The following VPS37B variants were observed in gnomAD, a reference collection of about 807,000 sequenced individuals.
VPS37B encodes the protein vacuolar protein sorting-associated protein 37B.
Under a neutral mutation model 21.2 loss-of-function variants are expected in VPS37B, and 11 were observed. The observed-to-expected ratio is 0.52, with a 90% CI of 0.33 to 0.86. The LOEUF (loss-of-function observed/expected upper bound fraction) is 0.86, where lower values mean the gene tolerates loss of function less well. Ranked by LOEUF, VPS37B falls within the 40% of genes least tolerant of loss-of-function variation. The pLI, the probability that VPS37B is intolerant of heterozygous loss-of-function variation, is 0.03. For missense variants in VPS37B, 389 were observed against 374.8 expected (o/e 1.04, Z -0.31); for synonymous variants, 175 against 159.6 (o/e 1.10, Z -0.73).
In VPS37B at chr12:122,896,108, C is replaced by T. The variant is rs761087345; in HGVS notation, c.-46G>A. ...CGCCACCGCCGCTGCGGCCACCAGGCTCCGCCGACCGGAAGCGCCGCCCTC... is the reference window on the plus strand; with the variant it reads ...CGCCACCGCCGCTGCGGCCACCAGGTTCCGCCGACCGGAAGCGCCGCCCTC... On this transcript the variant is annotated 5_prime_UTR_variant, in exon 1 of 4. Transcript: ENST00000267202. 2.0e-6 allele frequency: 3 copies of T among 1,472,556 alleles called. No homozygotes were observed. Among genetic ancestry groups the T allele is most frequent in the Non-Finnish European group, 2.7e-6 (3 of 1,117,624 alleles). 91.2% of individuals were successfully genotyped at this position (1,472,556 alleles called of 1,614,324 possible).
At position 122,895,985 on chromosome 12, in the gene VPS37B, G is replaced by C; in HGVS notation, c.78C>G (p.Gly26=). 1 of 1,608,306 alleles carries C rather than the reference G, an allele frequency of 6.2e-7. No homozygotes were observed. ...VQLNELLEDE[G]QLTEMVQKME... ...TCTTCTGCACCATCTCCGTCAGCTG[G>C]CCCTCGTCCTCCAGCAGCTCGTTGA... Residue 26 remains glycine, a synonymous_variant, in exon 1 of 4, where the codon GGC becomes GGG. Transcript: ENST00000267202.
At chr12:122,887,549 G>A (rs936109019) in intron 1 of VPS37B, 1 of 152,178 alleles carries the variant, frequency 6.6e-6, no homozygotes, top group African/African-American at 2.4e-5. Flanking sequence ...CTCATTACCT[G>A]GCTAACTCTT....
At chr12:122,885,173 C>T (rs960485257) in intron 1 of VPS37B, 1 of 150,692 alleles carries the variant, frequency 6.6e-6, no homozygotes, top group African/African-American at 2.4e-5. Context: ...ACTGAAATTT[C>T]GTAATTAAAA....
At chr12:122,895,019 A>G (rs2034470199) in intron 1 of VPS37B, among the ~76,000 whole-genome samples, 1 of 152,004 alleles carries the variant, frequency 6.6e-6, no homozygotes, top group African/African-American at 2.4e-5. Flanking sequence ...CCTTACAGAA[A>G]AACGTATCCT....
rs762065622 is a variant in VPS37B, at chr12:122,896,101, C to A, written c.-39G>T. ...CCGTCGTCGCCACCGCCGCTGCGGC[C>A]ACCAGGCTCCGCCGACCGGAAGCGC... On this transcript the variant is annotated 5_prime_UTR_variant, in exon 1 of 4. Transcript: ENST00000267202. 1.3e-6 allele frequency: 2 copies of A among 1,515,692 alleles called. No individual in the cohort carries two copies. The highest frequency in any genetic ancestry group is 1.2e-5 in the South Asian group (1 of 81,572). The allele number at this position is 1,515,692 out of a possible 1,614,324, so 93.9% of individuals were successfully genotyped here.
chr12:122,871,606 C>T, intron 1 of VPS37B: 5 of 985,644 alleles, frequency 5.1e-6, no homozygotes, highest in Non-Finnish European at 6.0e-6. Flanking sequence ...CCCATGCCCA[C>T]CCCAGCTCTT....
chr12:122,891,869 CA>C (rs1474946117), intron 1 of VPS37B, among the ~76,000 whole-genome samples: 2 of 152,232 alleles, frequency 1.3e-5, no homozygotes, highest in African/African-American at 4.8e-5. Context: ...TTCCACAAAA[CA>C]ACCTGTCTTT....
In VPS37B at chr12:122,894,491, C is replaced by T. The variant is rs544149593; in HGVS notation, c.111+1461G>A. On this transcript the variant is annotated intron_variant, in intron 1 of 3. Transcript: ENST00000267202. The stretch of plus-strand genomic sequence containing the variant: ...ACAAGCTCTCTTTTAAGGGGGCTGG[C>T]TTGGTGCTGAACAATCCCTCTTCGG... 7.7e-4 allele frequency among the ~76,000 whole-genome samples: 118 copies of T among 152,308 alleles called. 1 individual carries two copies. The highest frequency in any genetic ancestry group is 2.8e-3 in the African/African-American group (115 of 41,558).
chr12:122,871,684 G>A, intron 1 of VPS37B: 1 of 985,614 alleles, frequency 1.0e-6, no homozygotes, highest in African/African-American at 1.7e-5. Flanking sequence ...GAAGAGGGGG[G>A]ACATATTTTG....
In VPS37B at chr12:122,892,003, A is replaced by G. The variant is rs2034418755; in HGVS notation, c.111+3949T>C. Among the ~76,000 whole-genome samples, 2 of 39,868 alleles carry G rather than the reference A, an allele frequency of 5.0e-5. 1 individual carries two copies. The highest frequency in any genetic ancestry group is 9.6e-4 in the South Asian group (2 of 2,082). The allele number at this position is 39,868 out of a possible 152,430, so 26.2% of individuals were successfully genotyped here. On this transcript the variant is annotated intron_variant, in intron 1 of 3. Transcript: ENST00000267202. ...CAATCAGCATTTCCTCAGAAAGCACAGTGAAGTAATTCAAGAGGTCCGGTT... is the reference window on the plus strand; with the variant it reads ...CAATCAGCATTTCCTCAGAAAGCACGGTGAAGTAATTCAAGAGGTCCGGTT...
Position 122,866,948 on chromosome 12 carries a change from G to T in VPS37B, c.*168C>A. On this transcript the variant is annotated 3_prime_UTR_variant, in exon 4 of 4. Transcript: ENST00000267202. The stretch of plus-strand genomic sequence containing the variant: ...ACACACAACTGCCTTGATGCCCAAA[G>T]CCTGGGCTCCTACTACTCACCACTG... 3.7e-6 allele frequency: 3 copies of T among 809,264 alleles called. No homozygotes were observed. Among genetic ancestry groups the T allele is most frequent in the Non-Finnish European group, 5.3e-6 (3 of 569,584 alleles). The allele number at this position is 809,264 out of a possible 1,614,324, so 50.1% of individuals were successfully genotyped here.
At chr12:122,885,368 A>C (rs2034305657) in intron 1 of VPS37B, 1 of 152,320 alleles carries the variant, frequency 6.6e-6, no homozygotes, top group South Asian at 2.1e-4. Flanking sequence ...TAAATATCCA[A>C]TAAAGGAATG....
At chr12:122,891,699 GCATT>G (rs2034413081) in intron 1 of VPS37B, among the ~76,000 whole-genome samples, 1 of 152,152 alleles carries the variant, frequency 6.6e-6, no homozygotes, top group East Asian at 1.9e-4. Flanking sequence ...AGTCTCACCA[GCATT>G]CAGAGTGTGT....
Position 122,867,657 on chromosome 12 carries a change from C to T in VPS37B, c.367-50G>A, listed in dbSNP as rs1376533365. ...CAGGGACAGCCAGATGGGGAGGATG[C>T]TCCCTTCGTGGTCTAGGCACAAGGA... is the stretch of plus-strand genomic sequence containing the variant. On this transcript the variant is annotated intron_variant, in intron 3 of 3. Transcript: ENST00000267202. The surrounding 1 kb of genome is among the most constrained non-coding windows in gnomAD (Gnocchi z 5.5). 2 of 1,602,292 alleles carry T rather than the reference C, an allele frequency of 1.2e-6. No homozygotes were observed. The highest frequency in any genetic ancestry group is 1.3e-5 in the African/African-American group (1 of 74,904).
intron 1 of VPS37B, chr12:122,884,214 TTTC>T (rs1458518116): frequency 2.0e-5 from 3 of 152,202 alleles, no homozygotes; most frequent in Non-Finnish European, 2.9e-5. Context: ...GTAAAGGTCT[TTTC>T]TTAAGGGAAG....
At chr12:122,895,622 C>T (rs2034480827) in intron 1 of VPS37B, among the ~76,000 whole-genome samples, 1 of 152,064 alleles carries the variant, frequency 6.6e-6, no homozygotes, top group South Asian at 2.1e-4. Flanking sequence ...CTTAAGTCTT[C>T]AGACCCAGCC....
At chr12:122,869,604 A>C (rs2033982198) in intron 2 of VPS37B, among the ~76,000 whole-genome samples, 1 of 146,356 alleles carries the variant, frequency 6.8e-6, no homozygotes, top group African/African-American at 2.8e-5. Flanking sequence ...TCACTGCAGA[A>C]GGTGATCTTT....
chr12:122,870,623 C>G (rs1003106999), intron 2 of VPS37B: 11 of 321,964 alleles, frequency 3.4e-5, no homozygotes, highest in African/African-American at 1.9e-4. Flanking sequence ...GTGGTCCCAG[C>G]TACTCAGGAG....
chr12:122,885,129 G>T (rs1185974849), intron 1 of VPS37B: 2 of 151,692 alleles, frequency 1.3e-5, no homozygotes, highest in Admixed American at 1.3e-4. Context: ...GGAAAAAAGG[G>T]ATTAGTCAAA....
Sources: gnomAD v4.1 joint callset for allele counts (sites outside exome capture counted in the v4.1 genomes callset) on GRCh38, gnomAD v4.1.1 for gene constraint, Gnocchi (gnomAD v3.1) non-coding constraint, MANE v1.5 for transcripts, NCBI Gene and HGNC (gene_info 2026-07-23, HGNC 2026-07-21) for gene names.